The following RAD51B variants were observed in gnomAD, a reference collection of about 807,000 sequenced individuals.
RAD51B encodes RAD51 paralog B.
In RAD51B, 38 loss-of-function variants were observed where a neutral mutation model predicts 42.2. The ratio of observed to expected loss-of-function variants is 0.90; its 90% confidence interval spans 0.70 to 1.18. The LOEUF is 1.18. Among genes scored for constraint, RAD51B ranks in the 50% most tolerant of loss-of-function variants. The pLI, the probability that RAD51B is intolerant of heterozygous loss-of-function variation, is 0.00. For synonymous variants in RAD51B, 154 were observed against 145.2 expected, an observed-to-expected ratio of 1.06 and a Z score of -0.43; for missense variants, 373 against 400.7, an observed-to-expected ratio of 0.93 and a Z score of 0.59.
chr14:68,441,917 G>T (rs1212942023), intron 9 of RAD51B, among the ~76,000 whole-genome samples: 1 of 152,174 alleles, frequency 6.6e-6, no homozygotes, highest in Non-Finnish European at 1.5e-5. Context: ...CTAACACTCT[G>T]CTCAGTTATT....
At chr14:68,070,035 A>G (rs2076716302) in intron 7 of RAD51B, among the ~76,000 whole-genome samples, 2 of 152,012 alleles carry the variant, frequency 1.3e-5, no homozygotes, top group Admixed American at 6.6e-5. Context: ...CCTAATGGTT[A>G]GTGTTATTGA....
intron 8 of RAD51B, among the ~76,000 whole-genome samples, chr14:68,343,444 CT>C (rs1216702548): frequency 3.3e-5 from 5 of 152,292 alleles, no homozygotes; most frequent in East Asian, 3.9e-4. Context: ...AATTTTCCCC[CT>C]ATCTCTTTTG....
At chr14:68,036,014 T>A (rs2076115333) in intron 7 of RAD51B, among the ~76,000 whole-genome samples, 1 of 152,244 alleles carries the variant, frequency 6.6e-6, no homozygotes, top group South Asian at 2.1e-4. Flanking sequence ...ATAAGAAAGC[T>A]TATCAAGCTT....
chr14:68,371,083 A>C (rs2009721), intron 8 of RAD51B, among the ~76,000 whole-genome samples: 1 of 140,782 alleles, frequency 7.1e-6, no homozygotes, highest in Non-Finnish European at 1.5e-5. Flanking sequence ...ATTAAAAAAA[A>C]AGAATTATCT....
chr14:67,928,127 A>T (rs571132556), intron 7 of RAD51B, among the ~76,000 whole-genome samples: 2 of 152,238 alleles, frequency 1.3e-5, no homozygotes, highest in Middle Eastern at 6.8e-3. Context: ...TTTATTCAGT[A>T]CTGGGCTTTT....
intron 11 of RAD51B, among the ~76,000 whole-genome samples, chr14:68,669,380 C>T (rs572874994): frequency 1.3e-5 from 2 of 152,344 alleles, no homozygotes; most frequent in African/African-American, 2.4e-5. Context: ...ACGTAGGCCA[C>T]ATCTAGAGAG....
intron 7 of RAD51B, among the ~76,000 whole-genome samples, chr14:67,951,492 C>T (rs1293163411): frequency 1.3e-5 from 2 of 152,144 alleles, no homozygotes; most frequent in South Asian, 2.1e-4. Flanking sequence ...TACAGCTTAT[C>T]GTCTTCCCAG....
At chr14:68,099,789 G>C (rs2077258018) in intron 7 of RAD51B, among the ~76,000 whole-genome samples, 1 of 152,186 alleles carries the variant, frequency 6.6e-6, no homozygotes, top group Non-Finnish European at 1.5e-5. Flanking sequence ...CGGTTGTTCT[G>C]CTTAGATGGA....
At chr14:68,615,060 A>T (rs571137625), downstream of RAD51B, among the ~76,000 whole-genome samples, 2 of 152,206 alleles carry the variant, frequency 1.3e-5, no homozygotes, top group South Asian at 4.1e-4. Context: ...TTTGGTAGAG[A>T]TGGGATTTCA....
chr14:68,613,658 G>A (rs536529937), downstream of RAD51B, among the ~76,000 whole-genome samples: 10 of 152,002 alleles, frequency 6.6e-5, no homozygotes, highest in South Asian at 1.7e-3. Context: ...GTTTCACCGT[G>A]TTAGCCAGGA....
chr14:68,545,075 T>C (rs1888151009), intron 10 of RAD51B, among the ~76,000 whole-genome samples: 2 of 152,212 alleles, frequency 1.3e-5, no homozygotes, highest in South Asian at 4.1e-4. Flanking sequence ...TCACAGATCA[T>C]GTAAAGGGAC....
At chr14:68,635,270 T>C (rs7144613) in intron 10 of RAD51B, among the ~76,000 whole-genome samples, 137,310 of 152,222 alleles carry the variant, frequency 0.9, 62,151 homozygotes, top group African/African-American at 0.97. Flanking sequence ...TTCCTTTTCC[T>C]GCAAATATCC....
At chr14:68,058,614 T>TA (rs1421861201) in intron 7 of RAD51B, among the ~76,000 whole-genome samples, 1 of 152,238 alleles carries the variant, frequency 6.6e-6, no homozygotes, top group Non-Finnish European at 1.5e-5. Flanking sequence ...TTTAAGGTTG[T>TA]ATAGTATACC....
intron 11 of RAD51B, among the ~76,000 whole-genome samples, chr14:68,655,317 A>G (rs1040723764): frequency 2.0e-5 from 3 of 151,848 alleles, no homozygotes; most frequent in Non-Finnish European, 4.4e-5. Flanking sequence ...ACAGCTGCTC[A>G]GGGTTATACT....
intron 8 of RAD51B, among the ~76,000 whole-genome samples, chr14:68,343,404 A>G (rs1367596406): frequency 6.6e-6 from 1 of 152,206 alleles, no homozygotes; most frequent in African/African-American, 2.4e-5. Flanking sequence ...GGTCAGGTCT[A>G]AAATATCATT....
At chr14:67,878,158 A>C (rs2042788671) in intron 5 of RAD51B, among the ~76,000 whole-genome samples, 1 of 152,192 alleles carries the variant, frequency 6.6e-6, no homozygotes, top group Non-Finnish European at 1.5e-5. Flanking sequence ...TTTTTGTATA[A>C]ACTGCCACAT....
chr14:67,938,557 A>G (rs950598764), intron 7 of RAD51B, among the ~76,000 whole-genome samples: 2 of 152,342 alleles, frequency 1.3e-5, no homozygotes, highest in South Asian at 4.1e-4. Flanking sequence ...ATTGTGTTCC[A>G]TACATAATAT....
chr14:68,201,104 T>A (rs984335466), intron 7 of RAD51B, among the ~76,000 whole-genome samples: 2 of 152,194 alleles, frequency 1.3e-5, no homozygotes, highest in Non-Finnish European at 2.9e-5. Flanking sequence ...CCTCATGAAT[T>A]TTTTAAAAAA....
intron 11 of RAD51B, among the ~76,000 whole-genome samples, chr14:68,662,340 C>A (rs1237587644): frequency 6.6e-6 from 1 of 152,224 alleles, no homozygotes; most frequent in Non-Finnish European, 1.5e-5. Flanking sequence ...TATTATATTT[C>A]ATCTTGTTAC....
Sources: allele counts gnomAD v4.1 joint callset (sites outside exome capture counted in the v4.1 genomes callset), GRCh38; gene constraint gnomAD v4.1.1; transcripts MANE v1.5; gene names NCBI Gene and HGNC (gene_info 2026-07-23, HGNC 2026-07-21).